The following DCHS2 variants were observed in gnomAD, a reference collection of about 807,000 sequenced individuals.
The protein encoded by DCHS2 is protocadherin-23.
A neutral mutation model predicts 182.4 loss-of-function variants in DCHS2; 142 were observed. That is an observed-to-expected ratio of 0.78 (90% CI 0.68 to 0.89). The LOEUF (loss-of-function observed/expected upper bound fraction) is 0.89, where lower values mean the gene tolerates loss of function less well. Ranked by LOEUF, DCHS2 falls within the 40% of genes least tolerant of loss-of-function variation. The pLI is 0.00. For synonymous variants in DCHS2, 1,740 were observed against 1,663.3 expected (o/e 1.05, Z -1.12); for missense variants, 4,319 against 4,198.6 (o/e 1.03, Z -0.79).
intron 1 of DCHS2, among the ~76,000 whole-genome samples, chr4:154,481,097 G>A (rs1735902455): frequency 6.6e-6 from 1 of 152,116 alleles, no homozygotes; most frequent in African/African-American, 2.4e-5. Context: ...AACAGCTCCT[G>A]TTTAGCTGTC....
intron 10 of DCHS2, 137 bp from the exon 11 acceptor site, chr4:154,305,368 T>A: frequency 8.7e-7 from 1 of 1,155,310 alleles, no homozygotes; most frequent in Non-Finnish European, 1.1e-6. Flanking sequence ...TAAATTAAGG[T>A]AAAAGAAAAC....
At chr4:154,386,203 A>T (rs1012361498) in intron 1 of DCHS2, among the ~76,000 whole-genome samples, 1 of 152,144 alleles carries the variant, frequency 6.6e-6, no homozygotes, top group African/African-American at 2.4e-5. Flanking sequence ...CATCCTACCC[A>T]ACATAATCCA....
intron 2 of DCHS2, among the ~76,000 whole-genome samples, chr4:154,366,718 T>C (rs912249097): frequency 6.6e-6 from 1 of 152,086 alleles, no homozygotes; most frequent in Non-Finnish European, 1.5e-5. Context: ...TATGAATTCA[T>C]AGGTAACAGC....
intron 7 of DCHS2, among the ~76,000 whole-genome samples, chr4:154,324,862 C>T (rs1286547977): frequency 6.6e-6 from 1 of 152,158 alleles, no homozygotes; most frequent in Non-Finnish European, 1.5e-5. Flanking sequence ...CTATAGAATG[C>T]ATTCATGAAT....
At position 154,335,663 on chromosome 4, in the gene DCHS2, C is replaced by T. The variant is rs559569483; in HGVS notation, c.2477-559G>A. 1.1e-4 allele frequency among the ~76,000 whole-genome samples: 16 copies of T among 152,176 alleles called. 1 individual carries two copies. The South Asian group carries it at 2.7e-3, about 26-fold the overall frequency. ...CATGAGCCAATTCCTTGTGATCAGTCTCCTCATACATACACACACACACAC... is the reference window on the plus strand; with the variant it reads ...CATGAGCCAATTCCTTGTGATCAGTTTCCTCATACATACACACACACACAC... On this transcript the variant is annotated intron_variant, in intron 3 of 19. Coordinates refer to ENST00000357232, the MANE Select transcript of DCHS2 (RefSeq NM_001358235.2).
In DCHS2 at chr4:154,372,797, C is replaced by CA. The variant is rs1730703844; in HGVS notation, c.2244+4455dup. 2.0e-5 allele frequency among the ~76,000 whole-genome samples: 3 copies of CA among 151,992 alleles called. No homozygotes were observed. In the South Asian group the frequency reaches 6.2e-4, roughly 32 times the overall value. ...ATAGCAGCAGCAGTAGCAGCAGCAG[C>CA]AAAAATAGAGTATTTCAGAAGTAAT... On this transcript the variant is annotated intron_variant, in intron 2 of 19. Transcript: ENST00000357232.
chr4:154,298,803 A>T (rs184853385), intron 12 of DCHS2, 95 bp from the exon 13 acceptor site: 1 of 1,437,878 alleles, frequency 7.0e-7, no homozygotes, highest in African/African-American at 1.4e-5. Flanking sequence ...ATTCATTAAA[A>T]ATATATTTAT....
intron 2 of DCHS2, among the ~76,000 whole-genome samples, chr4:154,373,423 A>C (rs1730733737): frequency 2.0e-5 from 3 of 152,214 alleles, no homozygotes; most frequent in Admixed American, 2.0e-4. Context: ...GTATTTGTAT[A>C]TATGTTTACA....
At chr4:154,386,620 C>A (rs942828025) in intron 1 of DCHS2, among the ~76,000 whole-genome samples, 1 of 152,088 alleles carries the variant, frequency 6.6e-6, no homozygotes, top group South Asian at 2.1e-4. Context: ...TCGGGACAAC[C>A]ATTACACTGA....
At chr4:154,414,874 G>A (rs1225251137) in intron 1 of DCHS2, among the ~76,000 whole-genome samples, 1 of 152,200 alleles carries the variant, frequency 6.6e-6, no homozygotes, top group African/African-American at 2.4e-5. Flanking sequence ...AGGGAGTTTA[G>A]AATGATCTGA....
intron 16 of DCHS2, among the ~76,000 whole-genome samples, chr4:154,244,205 C>T (rs7684861): frequency 0.89 from 134,846 of 152,248 alleles, 60,199 homozygotes; most frequent in South Asian, 0.98. Flanking sequence ...GGCAGGGAGC[C>T]GCCTTATTTG....
chr4:154,241,929 A>G (rs1044289915), intron 17 of DCHS2, among the ~76,000 whole-genome samples: 6 of 152,202 alleles, frequency 3.9e-5, no homozygotes, highest in African/African-American at 1.2e-4. Context: ...AGTGAACATA[A>G]TAAAATGTTA....
intron 2 of DCHS2, among the ~76,000 whole-genome samples, chr4:154,370,059 T>G (rs73854722): frequency 0.013 from 2,049 of 152,312 alleles, 48 homozygotes; most frequent in African/African-American, 0.047. Context: ...GAGCTGTGGT[T>G]TCATTCCAGT....
At position 154,490,976 on chromosome 4, in the gene DCHS2, G is replaced by T; in HGVS notation, c.380C>A (p.Thr127Asn). 1 of 1,550,486 alleles carries T rather than the reference G, an allele frequency of 6.4e-7. No homozygotes were observed. Among genetic ancestry groups the T allele is most frequent in the Non-Finnish European group, 8.7e-7 (1 of 1,146,370 alleles). The change falls in exon 1 of 20, where the codon ACT (threonine) becomes AAT (asparagine). Residue 127 changes from threonine (T) to asparagine (N), a missense_variant. Transcript: ENST00000357232. Reference protein sequence around the residue: ...HVHPDTGIIRTARRLDRERRD... With the variant: ...HVHPDTGIIRNARRLDRERRD... ...CCGCTCGCGGTCCAGGCGCCGCGCA[G>T]TGCGGATGATGCCGGTGTCCGGGTG...
intron 1 of DCHS2, among the ~76,000 whole-genome samples, chr4:154,454,642 C>T (rs1475821757): frequency 6.6e-5 from 10 of 152,128 alleles, no homozygotes; most frequent in Non-Finnish European, 1.0e-4. Context: ...CTATGACCCC[C>T]CTCCCATTCA....
Position 154,298,169 on chromosome 4 carries a change from G to T in DCHS2, c.6145C>A (p.Pro2049Thr). The T allele has an allele frequency of 6.2e-7, 1 of 1,614,010 alleles. No homozygotes were observed. ...GTTGTCTGGTTTGTAGGCGACTCGGGGGAAAGAAACACATCAAAAGGGTTC... is the reference window on the plus strand; with the variant it reads ...GTTGTCTGGTTTGTAGGCGACTCGGTGGAAAGAAACACATCAAAAGGGTTC... ...EQNPFDVFLSPESPTNQTTVI... is the reference protein window; with the variant it reads ...EQNPFDVFLSTESPTNQTTVI... The change falls in exon 13 of 20, where the codon CCC becomes ACC. Residue 2049 changes from proline (P) to threonine (T), a missense_variant. Transcript: ENST00000357232.
At position 154,297,888 on chromosome 4, in the gene DCHS2, G is replaced by A. The variant is rs765736307; in HGVS notation, c.6426C>T (p.His2142=). ...TTTCAGTCACGAGCCCTTTATACAG[G>A]TGGTGGCTGAAGGAAATCTTTACAT... ...GEDVKISFSH[H]LYKGLVTENC... is the part of the protein sequence containing the mutation. Residue 2142 remains histidine (H), a synonymous_variant, in exon 13 of 20, where the codon CAC becomes CAT. Coordinates refer to ENST00000357232, the MANE Select transcript of DCHS2 (RefSeq NM_001358235.2). The A allele has an allele frequency of 2.5e-6, 4 of 1,613,850 alleles. No homozygotes were observed. The highest frequency in any genetic ancestry group is 3.4e-6 in the Non-Finnish European group (4 of 1,179,936).
chr4:154,338,470 C>T (rs1728915852), intron 3 of DCHS2, among the ~76,000 whole-genome samples: 1 of 152,140 alleles, frequency 6.6e-6, no homozygotes, highest in Admixed American at 6.5e-5. Context: ...CTCATTTTTA[C>T]CTCTCTGTTT....
At chr4:154,347,116 C>T (rs752128399) in intron 3 of DCHS2, among the ~76,000 whole-genome samples, 17 of 151,280 alleles carry the variant, frequency 1.1e-4, no homozygotes, top group Non-Finnish European at 1.3e-4. Context: ...ACATTTGTAA[C>T]GTTTTTAATC....
Sources: allele counts gnomAD v4.1 joint callset (sites outside exome capture counted in the v4.1 genomes callset), GRCh38; gene constraint gnomAD v4.1.1; transcripts MANE v1.5; gene names NCBI Gene and HGNC (gene_info 2026-07-23, HGNC 2026-07-21).